Variants in ULK4 observed in about 807,000 individuals in gnomAD.
ULK4 encodes inactive serine/threonine-protein kinase ULK4.
A neutral mutation model predicts 160.6 loss-of-function variants in ULK4; 133 were observed. The observed-to-expected ratio is 0.83, with a 90% confidence interval of 0.72 to 0.96. ULK4 has a LOEUF of 0.96. Among genes scored for constraint, ULK4 ranks in the 40% least tolerant of loss-of-function variants. The probability of loss-of-function intolerance (pLI) is 0.00; values close to 1 mark genes in which losing one functional copy is unlikely to be tolerated. For synonymous variants in ULK4, 534 were observed against 539.8 expected, an observed-to-expected ratio of 0.99 and a Z score of 0.15; for missense variants, 1,580 against 1,499.5, an observed-to-expected ratio of 1.05 and a Z score of -0.89.
intron 35 of ULK4, among the ~76,000 whole-genome samples, chr3:41,289,478 AT>A (rs2079518902): frequency 6.6e-6 from 1 of 152,224 alleles, no homozygotes; most frequent in South Asian, 2.1e-4. Context: ...TATTGAAAAT[AT>A]CCACAAAATA....
At chr3:41,823,700 G>A (rs2041229610) in intron 18 of ULK4, among the ~76,000 whole-genome samples, 4 of 152,054 alleles carry the variant, frequency 2.6e-5, no homozygotes, top group Admixed American at 2.6e-4. Flanking sequence ...AATGTTTATT[G>A]TACTCAAACT....
At chr3:41,530,456 A>C (rs1380763062) in intron 32 of ULK4, among the ~76,000 whole-genome samples, 7 of 152,186 alleles carry the variant, frequency 4.6e-5, no homozygotes, top group Admixed American at 4.6e-4. Context: ...ATGGACATTG[A>C]GTGCATTTAA....
At chr3:41,838,247 T>TA (rs2041815664) in intron 17 of ULK4, among the ~76,000 whole-genome samples, 1 of 152,212 alleles carries the variant, frequency 6.6e-6, no homozygotes, top group Non-Finnish European at 1.5e-5. Context: ...TAGGATTTCT[T>TA]ACTGCTATTA....
chr3:41,844,807 A>C (rs1465551577), intron 17 of ULK4, among the ~76,000 whole-genome samples: 2 of 152,096 alleles, frequency 1.3e-5, no homozygotes, highest in Non-Finnish European at 2.9e-5. Flanking sequence ...AAAAAAAAAA[A>C]AAAACAGCAA....
rs1700563127 is a variant in ULK4 at position 41,958,614 on chromosome 3, A to G, written c.-49+3402T>C. Among the ~76,000 whole-genome samples the G allele has an allele frequency of 2.6e-5, 4 of 151,758 alleles. No homozygotes were observed. In the South Asian group the frequency reaches 8.3e-4, roughly 32 times the overall value. The stretch of plus-strand genomic sequence containing the variant: ...GTAATCCCAGCTACTCAAGAAGGTG[A>G]GGTAGGCGAATGGCTTGAACCCAGA... On this transcript the variant is annotated intron_variant, in intron 1 of 36. Coordinates refer to ENST00000301831, the MANE Select transcript of ULK4 (RefSeq NM_017886.4).
chr3:41,822,939 G>T (rs890520152), intron 18 of ULK4, among the ~76,000 whole-genome samples: 5 of 146,566 alleles, frequency 3.4e-5, no homozygotes, highest in African/African-American at 1.3e-4. Context: ...AGCCAGGATG[G>T]TCTCGATCTC....
intron 32 of ULK4, among the ~76,000 whole-genome samples, chr3:41,562,993 T>G (rs889992139): frequency 6.6e-6 from 1 of 152,224 alleles, no homozygotes; most frequent in East Asian, 1.9e-4. Flanking sequence ...TTGCAGTGGC[T>G]GCTACAGGTT....
chr3:41,929,940 C>T (rs895840950), intron 5 of ULK4, among the ~76,000 whole-genome samples: 2 of 152,080 alleles, frequency 1.3e-5, no homozygotes, highest in Non-Finnish European at 2.9e-5. Context: ...TCAGAGCTAT[C>T]CCCATCAAGC....
chr3:41,501,811 T>C lies in ULK4; in HGVS notation c.3227-38558A>G, dbSNP rs138089113. Reference sequence around the variant, plus strand: ...TGTGTTTTAACTAATATGTCCCCAATTATCCCATTCCCTGCACCTCACCCC... The same window carrying C: ...TGTGTTTTAACTAATATGTCCCCAACTATCCCATTCCCTGCACCTCACCCC... On this transcript the variant is annotated intron_variant, in intron 32 of 36. Transcript: ENST00000301831. 3.3e-3 allele frequency among the ~76,000 whole-genome samples: 500 copies of C among 152,232 alleles called. 2 individuals are homozygous for C. Among genetic ancestry groups the C allele is most frequent in the Middle Eastern group, 0.017 (5 of 294 alleles).
At chr3:41,645,487 T>C (rs1412085307) in intron 30 of ULK4, among the ~76,000 whole-genome samples, 2 of 152,204 alleles carry the variant, frequency 1.3e-5, no homozygotes, top group Non-Finnish European at 2.9e-5. Context: ...TTCAGTTCCA[T>C]GTAGTGGAGT....
rs749756575 is a variant in ULK4 at position 41,706,849 on chromosome 3, A to ATGTGTGTGTGTG, written c.2635-1556_2635-1545dup. On this transcript the variant is annotated intron_variant, in intron 25 of 36. Coordinates refer to ENST00000301831, the MANE Select transcript of ULK4 (RefSeq NM_017886.4). The stretch of plus-strand genomic sequence containing the variant: ...TCTCAAAAAAAAAAAAAAAAAAAAT[A>ATGTGTGTGTGTG]TGTGTGTGTGTGTGTGTGTGTGTGT... 7.3e-4 allele frequency among the ~76,000 whole-genome samples: 75 copies of ATGTGTGTGTGTG among 102,374 alleles called. 1 individual carries two copies. The highest frequency in any genetic ancestry group is 0.01 in the Middle Eastern group (2 of 200). 67.2% of individuals were successfully genotyped at this position (102,374 alleles called of 152,430 possible).
rs67078043 is a variant in ULK4 at position 41,721,279 on chromosome 3, T to TTTTTTTTTTTTTTGG, written c.2322-3419_2322-3418insCCAAAAAAAAAAAAA. Among the ~76,000 whole-genome samples the TTTTTTTTTTTTTTGG allele has an allele frequency of 2.5e-4, 25 of 98,916 alleles. 3 individuals carry two copies. The highest frequency in any genetic ancestry group is 8.3e-4 in the East Asian group (3 of 3,632). 64.9% of individuals were successfully genotyped at this position (98,916 alleles called of 152,430 possible). A position where few individuals can be genotyped will look rare whatever the true frequency, so the allele number is the denominator to read the frequency against. ...AATTTTTTTTTTTTTTTTTTTTTTT[T>TTTTTTTTTTTTTTGG]TTTTTGGGTTTTGAACCATGAGTAT... On this transcript the variant is annotated intron_variant, in intron 22 of 36. Transcript: ENST00000301831.
At chr3:41,818,232 G>A (rs2041031776) in intron 19 of ULK4, among the ~76,000 whole-genome samples, 2 of 151,970 alleles carry the variant, frequency 1.3e-5, no homozygotes, top group South Asian at 4.1e-4. Context: ...CTGCACTCCT[G>A]TATTCCCATC....
At chr3:41,284,071 T>G (rs955958600) in intron 35 of ULK4, among the ~76,000 whole-genome samples, 3 of 152,040 alleles carry the variant, frequency 2.0e-5, no homozygotes, top group Non-Finnish European at 4.4e-5. Context: ...AAAGCAATCA[T>G]AGATGACACA....
At chr3:41,946,829 A>G (rs1349674563) in intron 2 of ULK4, among the ~76,000 whole-genome samples, 1 of 152,192 alleles carries the variant, frequency 6.6e-6, no homozygotes, top group Non-Finnish European at 1.5e-5. Flanking sequence ...CTGGATCCTG[A>G]TAAGCCTAAA....
At chr3:41,691,705 C>G (rs929101524) in intron 27 of ULK4, among the ~76,000 whole-genome samples, 1 of 151,696 alleles carries the variant, frequency 6.6e-6, no homozygotes, top group Non-Finnish European at 1.5e-5. Flanking sequence ...ATTTCAAACC[C>G]GTTAACACAC....
In ULK4 at chr3:41,907,901, T is replaced by G. The variant is rs777584694; in HGVS notation, c.1126A>C (p.Ser376Arg). ...TPRTSTAVEV[S>R]PGEDMTHCSP... ...CAGTGAGTCATATCCTCACCAGGAC[T>G]TACTTCCACTGCAGTGCTAGTTCTG... is the stretch of plus-strand genomic sequence containing the variant. Residue 376 changes from serine (S) to arginine (R), a missense_variant, in exon 12 of 37, where the codon AGT becomes CGT. By Grantham distance (110) the Ser-to-Arg change is moderately radical. Transcript: ENST00000301831. The G allele has an allele frequency of 1.7e-5, 28 of 1,606,554 alleles. No individual in the cohort carries two copies. The highest frequency in any genetic ancestry group is 2.3e-5 in the Non-Finnish European group (27 of 1,176,860).
At chr3:41,439,569 G>A (rs1026784247) in intron 34 of ULK4, among the ~76,000 whole-genome samples, 2 of 152,246 alleles carry the variant, frequency 1.3e-5, no homozygotes, top group South Asian at 2.1e-4. Context: ...TCAAGACAGT[G>A]AACATAACCA....
At chr3:41,649,365 C>A (rs2034642685) in intron 30 of ULK4, among the ~76,000 whole-genome samples, 1 of 152,100 alleles carries the variant, frequency 6.6e-6, no homozygotes, top group Admixed American at 6.5e-5. Context: ...ACTGAGTCAG[C>A]AGGGCAGGGT....
Sources: allele counts gnomAD v4.1 joint callset (sites outside exome capture counted in the v4.1 genomes callset), GRCh38; gene constraint gnomAD v4.1.1; transcripts MANE v1.5; gene names NCBI Gene and HGNC (gene_info 2026-07-23, HGNC 2026-07-21).